Variants in UBE2QL1 observed in about 807,000 individuals in gnomAD.
UBE2QL1 encodes ubiquitin-conjugating enzyme E2Q-like protein 1.
Under a neutral mutation model 12.6 loss-of-function variants are expected in UBE2QL1, and 5 were observed. The ratio of observed to expected loss-of-function variants is 0.40; its 90% CI spans 0.21 to 0.83. UBE2QL1 has a LOEUF of 0.83. UBE2QL1 is among the 40% of genes least tolerant of loss of function. The pLI is 0.37. For synonymous variants in UBE2QL1, 96 were observed against 94.5 expected (o/e 1.02, Z -0.10); for missense variants, 99 against 222.6 (o/e 0.44, Z 3.53).
At position 6,479,185 on chromosome 5, in the gene UBE2QL1, G is replaced by A. The variant is rs965123627; in HGVS notation, c.355-12033G>A. On this transcript the variant is annotated intron_variant, in intron 1 of 1. Coordinates refer to ENST00000399816, the MANE Select transcript of UBE2QL1 (RefSeq NM_001145161.3). This position sits in a 1 kb window ranked among gnomAD's most constrained non-coding sequence, Gnocchi z 4.2. ...GTCCCACCTGCCGGAACAAGAGGGC[G>A]AAAGTGAGAATTAAGCCACCGAGAA... Among the ~76,000 whole-genome samples the A allele has an allele frequency of 3.3e-5, 5 of 151,592 alleles. No individual in the cohort carries two copies. The highest frequency in any genetic ancestry group is 2.1e-4 in the South Asian group (1 of 4,754).
At chr5:6,451,929 G>T (rs1739419618) in intron 1 of UBE2QL1, among the ~76,000 whole-genome samples, 1 of 152,184 alleles carries the variant, frequency 6.6e-6, no homozygotes, top group African/African-American at 2.4e-5. Context: ...GGTATTCAAG[G>T]AGAACTGGGA....
intron 1 of UBE2QL1, among the ~76,000 whole-genome samples, chr5:6,452,924 C>T (rs978932711): frequency 5.9e-5 from 9 of 152,148 alleles, no homozygotes; most frequent in Non-Finnish European, 7.3e-5. Context: ...CACTGTGGCT[C>T]ACCTCCTGAG....
At chr5:6,484,232 C>T (rs1397489030) in intron 1 of UBE2QL1, among the ~76,000 whole-genome samples, 1 of 152,158 alleles carries the variant, frequency 6.6e-6, no homozygotes, top group African/African-American at 2.4e-5. Flanking sequence ...CCCATGTTGG[C>T]GTCGGAGGGG....
chr5:6,469,958 C>T (rs1312967013), intron 1 of UBE2QL1, among the ~76,000 whole-genome samples: 1 of 152,168 alleles, frequency 6.6e-6, no homozygotes, highest in South Asian at 2.1e-4. Context: ...ACACAGAGGA[C>T]ATTCGGTGAT....
intron 1 of UBE2QL1, among the ~76,000 whole-genome samples, chr5:6,469,963 G>A (rs927204681): frequency 5.9e-5 from 9 of 152,280 alleles, no homozygotes; most frequent in East Asian, 5.8e-4. Context: ...GAGGACATTC[G>A]GTGATGGTGC....
intron 1 of UBE2QL1, among the ~76,000 whole-genome samples, chr5:6,450,070 T>C (rs555506333): frequency 6.6e-6 from 1 of 150,784 alleles, no homozygotes; most frequent in East Asian, 1.9e-4. Context: ...GGCATTCCCT[T>C]AAGAGACAAG....
At chr5:6,456,088 G>A (rs748415652) in intron 1 of UBE2QL1, among the ~76,000 whole-genome samples, 9 of 152,150 alleles carry the variant, frequency 5.9e-5, no homozygotes, top group Non-Finnish European at 8.8e-5. Flanking sequence ...AGTGCCTCCC[G>A]TCATGCAGGA....
At chr5:6,455,494 G>A (rs139647801) in intron 1 of UBE2QL1, among the ~76,000 whole-genome samples, 7 of 152,202 alleles carry the variant, frequency 4.6e-5, no homozygotes, top group Admixed American at 3.3e-4. Flanking sequence ...GGGAGAGGAC[G>A]GCTGGCCACA....
At chr5:6,449,637 C>T (rs1251268263) in intron 1 of UBE2QL1, among the ~76,000 whole-genome samples, 1 of 151,630 alleles carries the variant, frequency 6.6e-6, no homozygotes, top group Non-Finnish European at 1.5e-5. Flanking sequence ...ACTCTTTCTC[C>T]TCTCACCCCT....
chr5:6,450,821 A>G (rs1426832687), intron 1 of UBE2QL1, among the ~76,000 whole-genome samples: 1 of 152,246 alleles, frequency 6.6e-6, no homozygotes, highest in Non-Finnish European at 1.5e-5. Context: ...ACAACTCTAG[A>G]AAAACATCTT....
chr5:6,472,626 G>A (rs945311556), intron 1 of UBE2QL1, among the ~76,000 whole-genome samples: 1 of 152,024 alleles, frequency 6.6e-6, no homozygotes, highest in African/African-American at 2.4e-5. Context: ...TTGTGTCCGG[G>A]TTGTCTAGCT....
At chr5:6,459,460 TCC>T (rs1192463604) in intron 1 of UBE2QL1, among the ~76,000 whole-genome samples, 2 of 152,142 alleles carry the variant, frequency 1.3e-5, no homozygotes, top group African/African-American at 4.8e-5. Context: ...AGGAGTCCCT[TCC>T]TGCTGCCCCA....
At chr5:6,470,726 A>G (rs555838307) in intron 1 of UBE2QL1, among the ~76,000 whole-genome samples, 1 of 152,320 alleles carries the variant, frequency 6.6e-6, no homozygotes, top group East Asian at 1.9e-4. Flanking sequence ...GGTGACAGTT[A>G]GGAGGCCTCC....
At chr5:6,486,450 G>A (rs955407075) in intron 1 of UBE2QL1, among the ~76,000 whole-genome samples, 9 of 152,016 alleles carry the variant, frequency 5.9e-5, no homozygotes, top group African/African-American at 2.2e-4. Flanking sequence ...ACCACAGCCT[G>A]GTAAACACCT....
At chr5:6,473,733 A>C (rs760994891) in intron 1 of UBE2QL1, among the ~76,000 whole-genome samples, 1 of 152,260 alleles carries the variant, frequency 6.6e-6, no homozygotes, top group Non-Finnish European at 1.5e-5. Flanking sequence ...CAAAGCCAGC[A>C]CAAAACTTAT....
chr5:6,474,718 A>G (rs1186766866), intron 1 of UBE2QL1, among the ~76,000 whole-genome samples: 5 of 152,208 alleles, frequency 3.3e-5, no homozygotes, highest in African/African-American at 9.7e-5. Flanking sequence ...TTCATTCCTC[A>G]GTAAATAAGC....
intron 1 of UBE2QL1, among the ~76,000 whole-genome samples, chr5:6,464,935 C>A (rs1270280091): frequency 6.6e-6 from 1 of 152,110 alleles, no homozygotes; most frequent in Non-Finnish European, 1.5e-5. Flanking sequence ...ACTACAGAGG[C>A]ACTGTCGCCA....
intron 1 of UBE2QL1, among the ~76,000 whole-genome samples, chr5:6,469,915 T>G (rs951775053): frequency 2.0e-5 from 3 of 152,154 alleles, no homozygotes; most frequent in Admixed American, 6.5e-5. Flanking sequence ...TGTTACTCCG[T>G]TGGAATCAGA....
In UBE2QL1 at chr5:6,491,385, C is replaced by G. The variant is rs1734566469; in HGVS notation, c.*36C>G. ...GTGCAGTAGACGCTCGAGCGCCTGT[C>G]CACACACACACCAGTACCCTGACAT... is the stretch of plus-strand genomic sequence containing the variant. On this transcript the variant is annotated 3_prime_UTR_variant, in exon 2 of 2. Transcript: ENST00000399816. 1 of 1,526,082 alleles carries G rather than the reference C, an allele frequency of 6.6e-7. No homozygotes were observed. The allele number at this position is 1,526,082 out of a possible 1,614,324, so 94.5% of individuals were successfully genotyped here. A position where few individuals can be genotyped will look rare whatever the true frequency, so the allele number is the denominator to read the frequency against.
Sources: gnomAD v4.1 joint callset for allele counts (sites outside exome capture counted in the v4.1 genomes callset) on GRCh38, gnomAD v4.1.1 for gene constraint, Gnocchi (gnomAD v3.1) non-coding constraint, MANE v1.5 for transcripts, NCBI Gene and HGNC (gene_info 2026-07-23, HGNC 2026-07-21) for gene names.